Variants in HDAC4 observed in about 807,000 individuals in gnomAD.
The protein encoded by HDAC4 is histone deacetylase 4, also known as histone deacetylase A.
In HDAC4, 16 loss-of-function variants were observed where a neutral mutation model predicts 135.1. The observed-to-expected ratio is 0.12, with a 90% CI of 0.08 to 0.18. The LOEUF (loss-of-function observed/expected upper bound fraction) is 0.18. HDAC4 is among the 10% of genes least tolerant of loss of function. The pLI, the probability that HDAC4 is intolerant of heterozygous loss-of-function variation, is 1.00. For synonymous variants in HDAC4, 685 were observed against 653.4 expected (o/e 1.05, Z -0.74); for missense variants, 1,143 against 1,511.8 (o/e 0.76, Z 4.05).
chr2:239,352,601 G>T lies in HDAC4; in HGVS notation c.22+77C>A. On this transcript the variant is annotated intron_variant, in intron 2 of 26. Coordinates refer to ENST00000543185, the MANE Select transcript of HDAC4 (RefSeq NM_001378414.1). This position sits in a 1 kb window ranked among gnomAD's most constrained non-coding sequence, Gnocchi z 4.4. Reference sequence around the variant, plus strand: ...CAAAAGTCTCAAATCCAGAAAGCAAGCTGCAGTCACAAGAACTTCTACTTT... The same window carrying T: ...CAAAAGTCTCAAATCCAGAAAGCAATCTGCAGTCACAAGAACTTCTACTTT... 7.3e-7 allele frequency: 1 copy of T among 1,364,306 alleles called. No homozygotes were observed. The highest frequency in any genetic ancestry group is 1.0e-6 in the Non-Finnish European group (1 of 976,296). 84.5% of individuals were successfully genotyped at this position (1,364,306 alleles called of 1,614,324 possible).
At chr2:239,192,777 TC>T (rs1433910760) in intron 3 of HDAC4, among the ~76,000 whole-genome samples, 12 of 152,042 alleles carry the variant, frequency 7.9e-5, no homozygotes, top group African/African-American at 2.9e-4. Context: ...GCCCGTGCTT[TC>T]CAGGGATAAA....
intron 9 of HDAC4, among the ~76,000 whole-genome samples, chr2:239,137,538 C>T (rs1450077794): frequency 1.3e-5 from 2 of 152,036 alleles, no homozygotes; most frequent in African/African-American, 2.4e-5. Flanking sequence ...TCCCTGGGTC[C>T]AGGGGGCCTT....
chr2:239,085,041 GACACACAC>G (rs139333488), intron 19 of HDAC4, among the ~76,000 whole-genome samples: 2 of 138,782 alleles, frequency 1.4e-5, no homozygotes, highest in African/African-American at 2.8e-5. Flanking sequence ...GAGACAGACA[GACACACAC>G]ACACACACAC....
intron 24 of HDAC4, among the ~76,000 whole-genome samples, chr2:239,063,305 A>T (rs989136833): frequency 1.3e-5 from 2 of 150,694 alleles, no homozygotes; most frequent in African/African-American, 4.9e-5. Flanking sequence ...GGTTCACGCC[A>T]TTCTCCTGCC....
chr2:239,399,651 T>G (rs1323074133), intron 1 of HDAC4, among the ~76,000 whole-genome samples: 1 of 152,204 alleles, frequency 6.6e-6, no homozygotes, highest in Non-Finnish European at 1.5e-5. Flanking sequence ...CTCCCAGGCC[T>G]TAACTGCTTC....
At position 239,094,990 on chromosome 2, in the gene HDAC4, C is replaced by T; in HGVS notation, c.2280+20G>A. On this transcript the variant is annotated intron_variant, in intron 17 of 26. Transcript: ENST00000543185. ...TCGAGAAGAAACAGGACATTATTTACACATTAAAGGAACACTTACCCCAAC... is the reference window on the plus strand; with the variant it reads ...TCGAGAAGAAACAGGACATTATTTATACATTAAAGGAACACTTACCCCAAC... 1.2e-6 allele frequency: 2 copies of T among 1,613,882 alleles called. No homozygotes were observed. The highest frequency in any genetic ancestry group is 1.3e-5 in the African/African-American group (1 of 75,052).
rs1015740236 is a variant in HDAC4, at chr2:239,400,670, G to A, written c.-220+308C>T. The A allele has an allele frequency of 3.4e-5, 5 of 146,316 alleles. No individual in the cohort carries two copies. Among genetic ancestry groups the A allele is most frequent in the African/African-American group, 2.5e-5 (1 of 40,634 alleles). 9.1% of individuals were successfully genotyped at this position (146,316 alleles called of 1,614,324 possible). On this transcript the variant is annotated intron_variant, in intron 1 of 26. Coordinates refer to ENST00000543185, the MANE Select transcript of HDAC4 (RefSeq NM_001378414.1). The surrounding 1 kb of genome is among the most constrained non-coding windows in gnomAD (Gnocchi z 4.7). ...GGGCGGCGGACAATGGCCCGCGGGC[G>A]CCGGGCCGGGGCTGCGCTTACCGCG...
At chr2:239,126,282 C>T (rs1472423498) in intron 12 of HDAC4, among the ~76,000 whole-genome samples, 174 bp downstream of exon 12, 3 of 152,230 alleles carry the variant, frequency 2.0e-5, no homozygotes, top group African/African-American at 7.2e-5. Context: ...ATCCCTTCTG[C>T]CCCTGCCCCT....
At chr2:239,082,375 G>A (rs1047296025) in intron 20 of HDAC4, among the ~76,000 whole-genome samples, 154 bp from the exon 21 acceptor site, 4 of 152,234 alleles carry the variant, frequency 2.6e-5, no homozygotes, top group East Asian at 1.9e-4. Context: ...CGGCAGGCGC[G>A]ATTCTGGGGC....
Position 239,373,059 on chromosome 2 carries a change from G to A in HDAC4, c.-219-20141C>T, listed in dbSNP as rs148610148. Among the ~76,000 whole-genome samples the A allele has an allele frequency of 3.6e-3, 552 of 152,222 alleles. 2 individuals are homozygous for A. The highest frequency in any genetic ancestry group is 0.013 in the African/African-American group (537 of 41,532). The stretch of plus-strand genomic sequence containing the variant: ...ACCACAACACTGCAAGAGACTGCCG[G>A]GTGCAAAGAGCCTCACGTCCTGGGG... On this transcript the variant is annotated intron_variant, in intron 1 of 26. Coordinates refer to ENST00000543185, the MANE Select transcript of HDAC4 (RefSeq NM_001378414.1).
Position 239,308,682 on chromosome 2 carries a change from C to A in HDAC4, c.22+43996G>T, listed in dbSNP as rs1010100278. Among the ~76,000 whole-genome samples, 16 of 152,166 alleles carry A rather than the reference C, an allele frequency of 1.1e-4. No individual in the cohort carries two copies. The highest frequency in any genetic ancestry group is 3.9e-4 in the African/African-American group (16 of 41,432). ...TTAACAGGCCTCCGGGTGTCCCCCCCTTCCAGCCCAGTGCAGGGGTTCAGC... is the reference window on the plus strand; with the variant it reads ...TTAACAGGCCTCCGGGTGTCCCCCCATTCCAGCCCAGTGCAGGGGTTCAGC... On this transcript the variant is annotated intron_variant, in intron 2 of 26. Coordinates refer to ENST00000543185, the MANE Select transcript of HDAC4 (RefSeq NM_001378414.1). The surrounding 1 kb of genome is among the most constrained non-coding windows in gnomAD (Gnocchi z 4.2).
chr2:239,348,583 G>C (rs1437724316), intron 2 of HDAC4, among the ~76,000 whole-genome samples: 1 of 152,252 alleles, frequency 6.6e-6, no homozygotes, highest in Non-Finnish European at 1.5e-5. Context: ...CCTGCCAGCA[G>C]GCCCCCGTGG....
intron 1 of HDAC4, among the ~76,000 whole-genome samples, chr2:239,362,993 T>C (rs879832531): frequency 4.6e-5 from 7 of 152,222 alleles, no homozygotes; most frequent in Non-Finnish European, 8.8e-5. Flanking sequence ...TCAAAAGCTA[T>C]TGTATTTCTA....
intron 19 of HDAC4, among the ~76,000 whole-genome samples, chr2:239,084,531 G>A (rs1356454243): frequency 8.0e-6 from 1 of 125,324 alleles, no homozygotes; most frequent in African/African-American, 2.7e-5. Flanking sequence ...CAATGCCATA[G>A]GGTCGGCTAA....
At chr2:239,082,503 G>A (rs183532990) in intron 20 of HDAC4, among the ~76,000 whole-genome samples, 72 of 152,326 alleles carry the variant, frequency 4.7e-4, no homozygotes, top group African/African-American at 1.6e-3. Flanking sequence ...TCCAGCAGCC[G>A]ATGGGGCTGG....
chr2:239,054,864 T>G, intron 24 of HDAC4, 31 bp from the exon 25 acceptor site: 1 of 1,438,136 alleles, frequency 7.0e-7, no homozygotes, highest in Non-Finnish European at 9.8e-7. Context: ...ATATAAAGAC[T>G]GCCAATATAA....
intron 2 of HDAC4, among the ~76,000 whole-genome samples, chr2:239,277,905 T>C (rs1356659999): frequency 1.3e-5 from 2 of 150,136 alleles, no homozygotes; most frequent in Non-Finnish European, 3.0e-5. Flanking sequence ...TACGCCCCAG[T>C]CACACACCCC....
chr2:239,388,111 C>A (rs1167643413), intron 1 of HDAC4, among the ~76,000 whole-genome samples: 1 of 152,146 alleles, frequency 6.6e-6, no homozygotes. Flanking sequence ...TCCCTGAAGC[C>A]GAGGGAGGCA....
chr2:239,172,283 G>A (rs1164876001), intron 5 of HDAC4, among the ~76,000 whole-genome samples: 1 of 34,560 alleles, frequency 2.9e-5, no homozygotes, highest in African/African-American at 1.6e-4. Flanking sequence ...TTACCAAGCT[G>A]GTGAAAAAAA....
Sources: allele counts gnomAD v4.1 joint callset (sites outside exome capture counted in the v4.1 genomes callset), GRCh38; gene constraint gnomAD v4.1.1; non-coding constraint Gnocchi (gnomAD v3.1); transcripts MANE v1.5; gene names NCBI Gene and HGNC (gene_info 2026-07-23, HGNC 2026-07-21).